VPS54: variants seen among roughly 807,000 people sequenced by gnomAD.
VPS54 encodes VPS54 subunit of GARP complex.
Under a neutral mutation model 121.5 loss-of-function variants are expected in VPS54, and 45 were observed. The ratio of observed to expected loss-of-function variants is 0.37; its 90% CI spans 0.29 to 0.47. The LOEUF is 0.47. VPS54 is among the 20% of genes least tolerant of loss of function. The pLI, the probability that VPS54 is intolerant of heterozygous loss-of-function variation, is 0.99. For synonymous variants in VPS54, 371 were observed against 385.8 expected, an observed-to-expected ratio of 0.96 and a Z score of 0.45; for missense variants, 1,090 against 1,131.4, an observed-to-expected ratio of 0.96 and a Z score of 0.52.
At chr2:64,016,527 T>C (rs1358115722) in intron 1 of VPS54, among the ~76,000 whole-genome samples, 2 of 152,086 alleles carry the variant, frequency 1.3e-5, no homozygotes, top group Non-Finnish European at 2.9e-5. Context: ...TAAAGGTTTT[T>C]TGAGGGAATG....
Position 63,962,170 on chromosome 2 carries a change from G to T in VPS54, c.898C>A (p.Gln300Lys). 1 of 1,613,930 alleles carries T rather than the reference G, an allele frequency of 6.2e-7. No individual in the cohort carries two copies. Among genetic ancestry groups the T allele is most frequent in the Non-Finnish European group, 8.5e-7 (1 of 1,179,818 alleles). ...GATAATAACACCTGTACTGTAGGCT[G>T]AGTCTGGTGTACAGTGGCCATTAAC... ...LKLMATVHQT[Q>K]PTVQVLLSTS... The change falls in exon 7 of 23, where the codon CAG (glutamine) becomes AAG (lysine). Residue 300 changes from glutamine (Q) to lysine (K), a missense_variant. Physicochemically the swap from Gln to Lys is moderately conservative, Grantham distance 53 (BLOSUM62 1). Transcript: ENST00000272322.
intron 3 of VPS54, among the ~76,000 whole-genome samples, chr2:63,980,970 T>C (rs897646554): frequency 3.7e-4 from 56 of 152,062 alleles, no homozygotes; most frequent in Non-Finnish European, 7.1e-4. Flanking sequence ...ATAGTATTAA[T>C]GTTAATACAG....
At chr2:63,970,979 T>C (rs1356247103) in intron 4 of VPS54, among the ~76,000 whole-genome samples, 1 of 152,202 alleles carries the variant, frequency 6.6e-6, no homozygotes, top group Non-Finnish European at 1.5e-5. Flanking sequence ...CAAAAAGGCA[T>C]GTTCTTCACT....
At chr2:64,002,683 T>C (rs143021089) in intron 1 of VPS54, among the ~76,000 whole-genome samples, 1,874 of 152,340 alleles carry the variant, frequency 0.012, 16 homozygotes, top group Non-Finnish European at 0.015. Context: ...AAGTTATTTC[T>C]GTATCTGAGG....
At chr2:64,002,217 G>A (rs1677916034) in intron 1 of VPS54, among the ~76,000 whole-genome samples, 1 of 152,184 alleles carries the variant, frequency 6.6e-6, no homozygotes. Context: ...CATGGGGGAT[G>A]GGGGAGAGGT....
chr2:63,990,313 T>A (rs1490949212), intron 1 of VPS54, among the ~76,000 whole-genome samples: 1 of 151,234 alleles, frequency 6.6e-6, no homozygotes, highest in Non-Finnish European at 1.5e-5. Context: ...CCAGTACTTA[T>A]AAGCTCCCGC....
At chr2:63,923,722 C>T (rs779504991) in intron 12 of VPS54, among the ~76,000 whole-genome samples, 2 of 152,184 alleles carry the variant, frequency 1.3e-5, no homozygotes, top group Non-Finnish European at 2.9e-5. Flanking sequence ...TTCCTATTTC[C>T]TGCCTAGAAA....
Position 63,972,243 on chromosome 2 carries a change from C to A in VPS54, c.380G>T (p.Arg127Ile). The change falls in exon 4 of 23, where the codon AGA (arginine) becomes ATA (isoleucine). Residue 127 changes from arginine to isoleucine, a missense_variant and splice_region_variant. Arg to Ile is a moderately conservative substitution (Grantham distance 97). Around this residue, in one of 2 missense-constraint regions of VPS54, gnomAD observed 801 missense variants for 757.0 expected, o/e 1.06. Coordinates refer to ENST00000272322, the MANE Select transcript of VPS54 (RefSeq NM_016516.3). ...FTVYQQEISQ[R>I]EKIHERCKNI... is the part of the protein sequence containing the mutation. The stretch of plus-strand genomic sequence containing the variant: ...CTTGCATCTCTCATGAATCTTCTCT[C>A]TCTAATAAAAAGACAAATAACATCA... 15 of 1,584,536 alleles carry A rather than the reference C, an allele frequency of 9.5e-6. No homozygotes were observed. The highest frequency in any genetic ancestry group is 1.3e-5 in the Non-Finnish European group (15 of 1,160,180).
chr2:63,949,896 G>A (rs1055053454), intron 7 of VPS54, among the ~76,000 whole-genome samples: 7 of 152,208 alleles, frequency 4.6e-5, no homozygotes, highest in African/African-American at 1.7e-4. Context: ...CATAAAAGAA[G>A]TCAAAGGAAG....
chr2:63,961,914 A>G, intron 7 of VPS54, 144 bp downstream of exon 7: 1 of 909,152 alleles, frequency 1.1e-6, no homozygotes, highest in East Asian at 2.8e-5. Context: ...CAATATCAGA[A>G]TAACATTATT....
intron 7 of VPS54, among the ~76,000 whole-genome samples, chr2:63,959,997 G>A (rs1675681683): frequency 6.6e-6 from 1 of 152,086 alleles, no homozygotes; most frequent in Non-Finnish European, 1.5e-5. Flanking sequence ...TCCAGCCTGG[G>A]CAACAGAGCT....
At position 63,985,246 on chromosome 2, in the gene VPS54, G is replaced by C. The variant is rs144250331; in HGVS notation, c.-20-1227C>G. ...AGGTGAGAGGATTGCTTGAGCCTAG[G>C]AGGCAGAGGTTGCAGTGAGCCAAGA... On this transcript the variant is annotated intron_variant, in intron 1 of 22. Transcript: ENST00000272322. 4.9e-3 allele frequency among the ~76,000 whole-genome samples: 742 copies of C among 152,216 alleles called. 10 individuals are homozygous for C. Among genetic ancestry groups the C allele is most frequent in the African/African-American group, 0.017 (690 of 41,534 alleles).
intron 3 of VPS54, among the ~76,000 whole-genome samples, chr2:63,978,720 T>C (rs1424492788): frequency 1.3e-5 from 2 of 151,972 alleles, no homozygotes; most frequent in Admixed American, 6.6e-5. Context: ...CCCAGGTTCA[T>C]GGGATCCTTC....
intron 20 of VPS54, among the ~76,000 whole-genome samples, chr2:63,902,153 C>G (rs541681436): frequency 1.3e-5 from 2 of 152,282 alleles, no homozygotes; most frequent in South Asian, 4.1e-4. Context: ...CAGGCTCTAC[C>G]TAAGATGGAG....
intron 10 of VPS54, among the ~76,000 whole-genome samples, chr2:63,943,983 C>A (rs1447240809): frequency 3.3e-5 from 5 of 151,640 alleles, no homozygotes; most frequent in African/African-American, 1.2e-4. Context: ...TCTCCCACCT[C>A]GGCCTCCCAA....
intron 6 of VPS54, among the ~76,000 whole-genome samples, chr2:63,963,872 A>G (rs1675875878): frequency 6.6e-6 from 1 of 152,148 alleles, no homozygotes; most frequent in African/African-American, 2.4e-5. Context: ...GCTGCTGCCA[A>G]TCTGTGGACT....
chr2:63,953,697 AG>A (rs1476000303), intron 7 of VPS54, among the ~76,000 whole-genome samples: 1 of 152,072 alleles, frequency 6.6e-6, no homozygotes, highest in East Asian at 1.9e-4. Flanking sequence ...AGAGACAGAC[AG>A]ATAGATGGAT....
intron 1 of VPS54, among the ~76,000 whole-genome samples, chr2:64,012,220 T>C (rs1012313525): frequency 2.0e-5 from 3 of 152,092 alleles, no homozygotes; most frequent in Non-Finnish European, 4.4e-5. Flanking sequence ...ATACAGTGTG[T>C]CTTTGCTTTT....
intron 8 of VPS54, among the ~76,000 whole-genome samples, chr2:63,947,899 T>A (rs995237483): frequency 6.6e-6 from 1 of 152,002 alleles, no homozygotes; most frequent in Non-Finnish European, 1.5e-5. Flanking sequence ...TGTAGTGAGG[T>A]GATTACAGCT....
Sources: gnomAD v4.1 joint callset for allele counts (sites outside exome capture counted in the v4.1 genomes callset) on GRCh38, gnomAD v4.1.1 for gene constraint, gnomAD v4.1.1 regional missense constraint, MANE v1.5 for transcripts, NCBI Gene and HGNC (gene_info 2026-07-23, HGNC 2026-07-21) for gene names.